The following SNX29 variants were observed in gnomAD, a reference collection of about 807,000 sequenced individuals.
SNX29 encodes the protein sorting nexin 29.
A neutral mutation model predicts 102.1 loss-of-function variants in SNX29; 78 were observed. The ratio of observed to expected loss-of-function variants is 0.76; its 90% CI spans 0.64 to 0.92. The LOEUF is 0.92. SNX29 is among the 40% of genes least tolerant of loss of function. SNX29 has a pLI of 0.00. For synonymous variants in SNX29, 580 were observed against 414.5 expected, an observed-to-expected ratio of 1.40 and a Z score of -4.85; for missense variants, 1,280 against 1,061.7, an observed-to-expected ratio of 1.21 and a Z score of -2.86.
intron 11 of SNX29, among the ~76,000 whole-genome samples, chr16:12,094,858 A>G (rs1036243927): frequency 1.3e-5 from 2 of 152,138 alleles, no homozygotes; most frequent in African/African-American, 4.8e-5. Flanking sequence ...ATTTTGTCTT[A>G]GGCTTTTTTT....
At chr16:12,149,067 A>G (rs1430383718) in intron 13 of SNX29, among the ~76,000 whole-genome samples, 3 of 152,154 alleles carry the variant, frequency 2.0e-5, no homozygotes, top group Admixed American at 6.5e-5. Flanking sequence ...CTGGCACATA[A>G]TAGAGCTCAG....
chr16:12,228,176 G>T (rs571458304), intron 14 of SNX29, among the ~76,000 whole-genome samples: 1 of 152,318 alleles, frequency 6.6e-6, no homozygotes, highest in Non-Finnish European at 1.5e-5. Flanking sequence ...GCCCCCAGCC[G>T]AGCTGTAGAC....
chr16:12,340,961 G>T (rs369603581), intron 15 of SNX29, among the ~76,000 whole-genome samples: 11 of 152,146 alleles, frequency 7.2e-5, no homozygotes, highest in African/African-American at 2.7e-4. Context: ...GAGGTTATGA[G>T]AACTCATCCT....
At position 12,573,202 on chromosome 16, in the gene SNX29, G is replaced by C. The variant is rs772513406; in HGVS notation, c.*4573G>C. 3.1e-5 allele frequency: 7 copies of C among 226,562 alleles called. No individual in the cohort carries two copies. The highest frequency in any genetic ancestry group is 1.6e-4 in the African/African-American group (7 of 44,980). The allele number at this position is 226,562 out of a possible 1,614,324, so 14.0% of individuals were successfully genotyped here. On this transcript the variant is annotated 3_prime_UTR_variant, in exon 21 of 21. Coordinates refer to ENST00000566228, the MANE Select transcript of SNX29 (RefSeq NM_032167.5). ...AGCCATCCAGGGTCTCCCGGCTCTA[G>C]GCAGACCGGATCCCGCAGTTCATCC...
chr16:12,078,934 C>T lies in SNX29; in HGVS notation c.1402+19C>T, dbSNP rs1466576451. On this transcript the variant is annotated intron_variant, in intron 11 of 20. Transcript: ENST00000566228. ...ACAATTAGTAAGTACTTTCGCAGCC[C>T]CCTCCACCAGCTCTGGGATGACTTC... 2 of 1,579,586 alleles carry T rather than the reference C, an allele frequency of 1.3e-6. No homozygotes were observed. The highest frequency in any genetic ancestry group is 1.2e-5 in the South Asian group (1 of 86,136).
intron 20 of SNX29, among the ~76,000 whole-genome samples, chr16:12,548,185 A>C (rs1050707994): frequency 9.8e-5 from 15 of 152,290 alleles, no homozygotes; most frequent in Middle Eastern, 3.4e-3. Context: ...TCTCTTGCTC[A>C]TCCCACAGCG....
At chr16:12,274,316 C>T (rs990685248) in intron 14 of SNX29, among the ~76,000 whole-genome samples, 1 of 152,206 alleles carries the variant, frequency 6.6e-6, no homozygotes, top group Non-Finnish European at 1.5e-5. Flanking sequence ...TCTTCTTCCA[C>T]TTCAGAAGTT....
rs1249753399 is a variant in SNX29, at chr16:12,570,249, C to G, written c.*1620C>G. 1 of 1,065,010 alleles carries G rather than the reference C, an allele frequency of 9.4e-7. No individual in the cohort carries two copies. Among genetic ancestry groups the G allele is most frequent in the South Asian group, 4.6e-5 (1 of 21,962 alleles). The allele number at this position is 1,065,010 out of a possible 1,614,324, so 66.0% of individuals were successfully genotyped here. ...CCCTGCCCCGGTGAGACCAAATGAG[C>G]TGGAGCATGTATGGAGGTGCGGACC... On this transcript the variant is annotated 3_prime_UTR_variant, in exon 21 of 21. Coordinates refer to ENST00000566228, the MANE Select transcript of SNX29 (RefSeq NM_032167.5).
intron 11 of SNX29, among the ~76,000 whole-genome samples, chr16:12,086,309 C>T (rs1191410293): frequency 6.6e-6 from 1 of 152,184 alleles, no homozygotes; most frequent in Non-Finnish European, 1.5e-5. Context: ...TGGCCACGCT[C>T]TTGCCAATTC....
intron 20 of SNX29, among the ~76,000 whole-genome samples, chr16:12,533,656 C>G (rs958689248): frequency 7.2e-5 from 11 of 152,194 alleles, no homozygotes; most frequent in African/African-American, 2.7e-4. Flanking sequence ...CTGTGATCTT[C>G]CAGCATCAAT....
intron 16 of SNX29, among the ~76,000 whole-genome samples, chr16:12,382,511 T>C (rs2083203949): frequency 6.6e-6 from 1 of 152,174 alleles, no homozygotes; most frequent in Non-Finnish European, 1.5e-5. Flanking sequence ...ATCTACTCCT[T>C]AGGAGGATGA....
intron 19 of SNX29, among the ~76,000 whole-genome samples, chr16:12,519,230 T>C (rs1400828240): frequency 6.6e-6 from 1 of 152,222 alleles, no homozygotes; most frequent in African/African-American, 2.4e-5. Flanking sequence ...ACAGTTAGTC[T>C]GTGGACCTCC....
At chr16:12,403,339 G>A in intron 17 of SNX29, 109 bp from the exon 18 acceptor site, 1 of 1,065,000 alleles carries the variant, frequency 9.4e-7, no homozygotes, top group South Asian at 1.4e-5. Context: ...AATTGCTTGT[G>A]CATAATACCT....
At chr16:12,156,494 C>A (rs1216227905) in intron 13 of SNX29, among the ~76,000 whole-genome samples, 1 of 152,170 alleles carries the variant, frequency 6.6e-6, no homozygotes, top group African/African-American at 2.4e-5. Context: ...TAGGAAGGGG[C>A]GCAGGTTGCC....
Position 12,568,711 on chromosome 16 carries a change from A to C in SNX29, c.*82A>C. On this transcript the variant is annotated 3_prime_UTR_variant, in exon 21 of 21. Coordinates refer to ENST00000566228, the MANE Select transcript of SNX29 (RefSeq NM_032167.5). ...GCCACTGCCGCTGGCCCCTCACCTC[A>C]GCGTGACAACCACGTCCACCTGGTG... 2.6e-6 allele frequency: 4 copies of C among 1,547,410 alleles called. No homozygotes were observed. The highest frequency in any genetic ancestry group is 3.5e-6 in the Non-Finnish European group (4 of 1,151,682).
At chr16:12,391,754 G>T (rs551623046) in intron 16 of SNX29, among the ~76,000 whole-genome samples, 2 of 152,106 alleles carry the variant, frequency 1.3e-5, no homozygotes, top group Non-Finnish European at 2.9e-5. Context: ...CTTTACCATC[G>T]CCCCAGAATG....
intron 20 of SNX29, chr16:12,527,192 G>A (rs1405761315): frequency 5.6e-6 from 3 of 533,354 alleles, no homozygotes; most frequent in African/African-American, 1.9e-5. Flanking sequence ...AGGTCGGAAT[G>A]TACGGATTGT....
chr16:12,332,470 ACT>A (rs2081318826), intron 15 of SNX29, among the ~76,000 whole-genome samples: 1 of 151,030 alleles, frequency 6.6e-6, no homozygotes, highest in African/African-American at 2.4e-5. Flanking sequence ...AAAATGTGTT[ACT>A]CTCTTTGTGC....
intron 14 of SNX29, among the ~76,000 whole-genome samples, chr16:12,204,853 C>A (rs747212344): frequency 6.6e-6 from 1 of 152,020 alleles, no homozygotes; most frequent in Non-Finnish European, 1.5e-5. Context: ...GTGAGTGCAG[C>A]GATTCCCGAT....
Sources: allele counts gnomAD v4.1 joint callset (sites outside exome capture counted in the v4.1 genomes callset), GRCh38; gene constraint gnomAD v4.1.1; transcripts MANE v1.5; gene names NCBI Gene and HGNC (gene_info 2026-07-23, HGNC 2026-07-21).